Variants in PELI2 observed in about 807,000 individuals in gnomAD.
The protein encoded by PELI2 is E3 ubiquitin-protein ligase pellino homolog 2.
In PELI2, 23 loss-of-function variants were observed where a neutral mutation model predicts 42.3. The observed-to-expected ratio is 0.54, with a 90% CI of 0.39 to 0.77. PELI2 has a LOEUF of 0.77. Ranked by LOEUF, PELI2 falls within the 30% of genes least tolerant of loss-of-function variation. The pLI is 0.00. For missense variants in PELI2, 463 were observed against 553.2 expected, an observed-to-expected ratio of 0.84 and a Z score of 1.64; for synonymous variants, 245 against 212.2, an observed-to-expected ratio of 1.15 and a Z score of -1.34.
chr14:56,244,051 C>T (rs1888068538), intron 2 of PELI2, among the ~76,000 whole-genome samples: 1 of 152,144 alleles, frequency 6.6e-6, no homozygotes, highest in Non-Finnish European at 1.5e-5. Context: ...AGTGGCCTCT[C>T]CAGTAAACCA....
chr14:56,136,185 T>C (rs1005001221), intron 1 of PELI2, among the ~76,000 whole-genome samples: 2 of 152,222 alleles, frequency 1.3e-5, no homozygotes, highest in African/African-American at 4.8e-5. Flanking sequence ...AAGGCATTTC[T>C]GTTATCCAGG....
At chr14:56,238,501 G>T (rs1887871133) in intron 2 of PELI2, among the ~76,000 whole-genome samples, 1 of 152,118 alleles carries the variant, frequency 6.6e-6, no homozygotes. Context: ...AAGATGCTTA[G>T]GGTTCTTAAT....
intron 1 of PELI2, among the ~76,000 whole-genome samples, chr14:56,122,444 G>A (rs190643262): frequency 1.1e-3 from 165 of 152,280 alleles, no homozygotes; most frequent in Non-Finnish European, 2.0e-3. Flanking sequence ...GATTCCAGCA[G>A]CGCTGTCAGT....
intron 1 of PELI2, among the ~76,000 whole-genome samples, chr14:56,142,793 A>G (rs781265222): frequency 2.6e-5 from 4 of 151,924 alleles, no homozygotes; most frequent in Non-Finnish European, 4.4e-5. Context: ...CTACTGCCCT[A>G]TTTTTTTTAA....
chr14:56,202,753 A>G (rs1886375619), intron 2 of PELI2, among the ~76,000 whole-genome samples: 1 of 152,178 alleles, frequency 6.6e-6, no homozygotes, highest in Admixed American at 6.5e-5. Context: ...TACACAGCAT[A>G]TCATCTGTGA....
At chr14:56,191,857 CAG>C (rs1885958683) in intron 2 of PELI2, among the ~76,000 whole-genome samples, 2 of 152,158 alleles carry the variant, frequency 1.3e-5, no homozygotes, top group African/African-American at 4.8e-5. Flanking sequence ...ATTTTTGAGA[CAG>C]AGTGTCGCTC....
At position 56,148,856 on chromosome 14, in the gene PELI2, G is replaced by A. The variant is rs956747351; in HGVS notation, c.78-29479G>A. ...TTGGCAAGAGTGAACACTCCACAAG[G>A]ATTTTCAGATGAAGAGGGAAGAGGA... On this transcript the variant is annotated intron_variant, in intron 1 of 5. Transcript: ENST00000267460. Among the ~76,000 whole-genome samples, 3 of 152,182 alleles carry A rather than the reference G, an allele frequency of 2.0e-5. 1 individual carries two copies. The South Asian group carries it at 6.2e-4, about 32-fold the overall frequency.
At chr14:56,215,110 T>G (rs968711358) in intron 2 of PELI2, among the ~76,000 whole-genome samples, 5 of 152,232 alleles carry the variant, frequency 3.3e-5, no homozygotes, top group Non-Finnish European at 5.9e-5. Flanking sequence ...CAATTGAGCT[T>G]CTCTTATCTA....
intron 1 of PELI2, among the ~76,000 whole-genome samples, chr14:56,124,322 A>T (rs964719624): frequency 6.6e-6 from 1 of 152,202 alleles, no homozygotes; most frequent in African/African-American, 2.4e-5. Flanking sequence ...TGTCATGTTA[A>T]TAATGTCATT....
intron 1 of PELI2, among the ~76,000 whole-genome samples, chr14:56,129,949 C>T (rs1395240868): frequency 6.6e-6 from 1 of 152,202 alleles, no homozygotes; most frequent in East Asian, 1.9e-4. Context: ...GTCGTGTTCC[C>T]ATCTCAACTT....
In PELI2 at chr14:56,203,596, A is replaced by G. The variant is rs1299592244; in HGVS notation, c.207+25132A>G. ...AGGACAAAGCAGTGATTAAAAATGC[A>G]GTGAAACAATGAAAACATGATGTTT... On this transcript the variant is annotated intron_variant, in intron 2 of 5. Coordinates refer to ENST00000267460, the MANE Select transcript of PELI2 (RefSeq NM_021255.3). Among the ~76,000 whole-genome samples, 4 of 152,146 alleles carry G rather than the reference A, an allele frequency of 2.6e-5. 1 individual carries two copies. Among genetic ancestry groups the G allele is most frequent in the Admixed American group, 1.3e-4 (2 of 15,290 alleles).
intron 1 of PELI2, among the ~76,000 whole-genome samples, chr14:56,141,948 AG>A (rs986929283): frequency 6.6e-6 from 1 of 152,188 alleles, no homozygotes; most frequent in African/African-American, 2.4e-5. Flanking sequence ...ACAAATGCAA[AG>A]GGTGTTGCTT....
chr14:56,149,443 A>G (rs1018879654), intron 1 of PELI2, among the ~76,000 whole-genome samples: 1 of 152,226 alleles, frequency 6.6e-6, no homozygotes, highest in African/African-American at 2.4e-5. Flanking sequence ...ATGTGGAATT[A>G]TGCCTTACAA....
At chr14:56,203,350 G>T (rs886458503) in intron 2 of PELI2, among the ~76,000 whole-genome samples, 1 of 152,050 alleles carries the variant, frequency 6.6e-6, no homozygotes, top group Non-Finnish European at 1.5e-5. Flanking sequence ...AAATCTAGGG[G>T]TGAAGTATCG....
At chr14:56,125,376 A>G (rs1477832565) in intron 1 of PELI2, among the ~76,000 whole-genome samples, 2 of 149,646 alleles carry the variant, frequency 1.3e-5, no homozygotes, top group African/African-American at 2.5e-5. Context: ...CTGGGAGGAA[A>G]CTAAAGCAGG....
At position 56,126,216 on chromosome 14, in the gene PELI2, C is replaced by T. The variant is rs140734411; in HGVS notation, c.77+7479C>T. On this transcript the variant is annotated intron_variant, in intron 1 of 5. Coordinates refer to ENST00000267460, the MANE Select transcript of PELI2 (RefSeq NM_021255.3). ...AGCTGCTCGGAGCTGCATTGCAGTGCGCCACAGTGGCGTTGAAAGGCTGTG... is the reference window on the plus strand; with the variant it reads ...AGCTGCTCGGAGCTGCATTGCAGTGTGCCACAGTGGCGTTGAAAGGCTGTG... Among the ~76,000 whole-genome samples the T allele has an allele frequency of 5.1e-4, 78 of 152,270 alleles. No individual in the cohort carries two copies. The East Asian group carries it at 0.011, about 21-fold the overall frequency.
intron 3 of PELI2, among the ~76,000 whole-genome samples, chr14:56,280,402 C>T (rs532849210): frequency 2.8e-4 from 42 of 151,878 alleles, no homozygotes; most frequent in African/African-American, 9.9e-4. Flanking sequence ...AAAAAACATT[C>T]GTCAGTTAAT....
In PELI2 at chr14:56,157,134, G is replaced by A. The variant is rs190684725; in HGVS notation, c.78-21201G>A. On this transcript the variant is annotated intron_variant, in intron 1 of 5. Transcript: ENST00000267460. ...CCCTCTTTGCAGCCAGTGGGTTAATGTGTCAAACTAAAATTAACTTCTAGG... is the reference window on the plus strand; with the variant it reads ...CCCTCTTTGCAGCCAGTGGGTTAATATGTCAAACTAAAATTAACTTCTAGG... Among the ~76,000 whole-genome samples, 123 of 152,312 alleles carry A rather than the reference G, an allele frequency of 8.1e-4. 4 individuals are homozygous for A. The highest frequency in any genetic ancestry group is 6.9e-3 in the Admixed American group (106 of 15,304).
chr14:56,212,368 C>A (rs1311543371), intron 2 of PELI2, among the ~76,000 whole-genome samples: 1 of 152,212 alleles, frequency 6.6e-6, no homozygotes, highest in Non-Finnish European at 1.5e-5. Context: ...CCTGCCAGGG[C>A]TGACTTTCAG....
Sources: gnomAD v4.1 joint callset for allele counts (sites outside exome capture counted in the v4.1 genomes callset) on GRCh38, gnomAD v4.1.1 for gene constraint, MANE v1.5 for transcripts, NCBI Gene and HGNC (gene_info 2026-07-23, HGNC 2026-07-21) for gene names.